Variants in ING5 observed in about 807,000 individuals in gnomAD.
The protein encoded by ING5 is inhibitor of growth family member 5, also known as inhibitor of growth protein 5.
ING5 carries 17 observed loss-of-function variants against 37.4 expected under a neutral mutation model. That is an observed-to-expected ratio of 0.45 (90% CI 0.31 to 0.68). The LOEUF (loss-of-function observed/expected upper bound fraction) is 0.68. Among genes scored for constraint, ING5 ranks in the 30% least tolerant of loss-of-function variants. The pLI, the probability that ING5 is intolerant of heterozygous loss-of-function variation, is 0.05. For synonymous variants in ING5, 123 were observed against 116.6 expected, an observed-to-expected ratio of 1.06 and a Z score of -0.36; for missense variants, 233 against 311.9, an observed-to-expected ratio of 0.75 and a Z score of 1.91.
chr2:241,727,169 T>G lies in ING5; in HGVS notation c.*2138T>G, dbSNP rs1691651640. The G allele has an allele frequency of 1.3e-5, 2 of 151,698 alleles. No homozygotes were observed. Among genetic ancestry groups the G allele is most frequent in the Admixed American group, 6.6e-5 (1 of 15,224 alleles). 9.4% of individuals were successfully genotyped at this position (151,698 alleles called of 1,614,324 possible). On this transcript the variant is annotated 3_prime_UTR_variant, in exon 8 of 8. Coordinates refer to ENST00000313552, the MANE Select transcript of ING5 (RefSeq NM_032329.6). ...CCAGACTGGTCTCAAACTCCTGGGG[T>G]CAAATGATCCGCCTGCGTCGGCTTC...
In ING5 at chr2:241,687,480, C is replaced by T. The variant is rs111432767; in HGVS notation, c.-1356C>T. The T allele has an allele frequency of 3.0e-3, 1,199 of 397,934 alleles. 5 individuals are homozygous for T. The highest frequency in any genetic ancestry group is 0.022 in the African/African-American group (1,074 of 48,692). The allele number at this position is 397,934 out of a possible 1,614,324, so 24.7% of individuals were successfully genotyped here. A position where few individuals can be genotyped will look rare whatever the true frequency, so the allele number is the denominator to read the frequency against. On this transcript the variant is annotated 5_prime_UTR_variant, in exon 1 of 8. Coordinates refer to the ING5 transcript ENST00000636051. ...GGATCGATAAATGTTCACTGTTGTC[C>T]CTGAAGCGCAAAACTGCAGGGCTCT...
At chr2:241,721,457 CG>C (rs1268586855) in intron 5 of ING5, 1 of 985,354 alleles carries the variant, frequency 1.0e-6, no homozygotes, top group Non-Finnish European at 1.2e-6. Context: ...CAGAGGGCAG[CG>C]GGGAGGCCGG....
In ING5 at chr2:241,725,168, TC is replaced by T; in HGVS notation, c.*139del. 1 of 923,338 alleles carries T rather than the reference TC, an allele frequency of 1.1e-6. No individual in the cohort carries two copies. The highest frequency in any genetic ancestry group is 2.5e-5 in the East Asian group (1 of 39,754). 57.2% of individuals were successfully genotyped at this position (923,338 alleles called of 1,614,324 possible). On this transcript the variant is annotated 3_prime_UTR_variant, in exon 8 of 8. Coordinates refer to ENST00000313552, the MANE Select transcript of ING5 (RefSeq NM_032329.6). Reference sequence around the variant, plus strand: ...GTGGCCAGTTGAAGCGCTGGATGTTTCCTAGAACAAGAACCACCAAAGCCTG... The same window carrying T: ...GTGGCCAGTTGAAGCGCTGGATGTTTCTAGAACAAGAACCACCAAAGCCTG...
At chr2:241,707,055 G>A (rs1229704761) in intron 2 of ING5, among the ~76,000 whole-genome samples, 2 of 151,450 alleles carry the variant, frequency 1.3e-5, no homozygotes, top group African/African-American at 4.9e-5. Flanking sequence ...TGCCTCCCAG[G>A]TTCAAGTGAT....
At position 241,723,096 on chromosome 2, in the gene ING5, C is replaced by T. The variant is rs538863741; in HGVS notation, c.618+22C>T. ...AGACGTGAGTGTCGCCTGCAGGATTCGCGCCATGGGGCGGGGTCTTGTGTG... is the reference window on the plus strand; with the variant it reads ...AGACGTGAGTGTCGCCTGCAGGATTTGCGCCATGGGGCGGGGTCTTGTGTG... On this transcript the variant is annotated intron_variant, in intron 6 of 7. Coordinates refer to ENST00000313552, the MANE Select transcript of ING5 (RefSeq NM_032329.6). 2.0e-4 allele frequency: 324 copies of T among 1,614,172 alleles called. 1 individual carries two copies. In the South Asian group the frequency reaches 3.3e-3, roughly 16 times the overall value.
chr2:241,704,854 T>C (rs1253828467), intron 2 of ING5, 130 bp downstream of exon 2: 4 of 732,592 alleles, frequency 5.5e-6, no homozygotes, highest in Non-Finnish European at 9.8e-6. Context: ...CCCTGGGCCG[T>C]GGGTATCACT....
chr2:241,702,195 T>G (rs2069753404), intron 1 of ING5, 93 bp downstream of exon 1: 5 of 607,858 alleles, frequency 8.2e-6, no homozygotes, highest in African/African-American at 2.1e-5. Flanking sequence ...GCAGACCCCG[T>G]GGGCTCGGGA....
rs1242247004 is a variant in ING5, at chr2:241,709,393, G to T, written c.276+11G>T. 1.9e-6 allele frequency: 3 copies of T among 1,608,292 alleles called. No individual in the cohort carries two copies. The highest frequency in any genetic ancestry group is 2.5e-6 in the Non-Finnish European group (3 of 1,176,706). Reference sequence around the variant, plus strand: ...CAGACCTACGAGATGGTGAGGGCGGGGCGGGGGCCATGGCTCTTCCTCTGA... The same window carrying T: ...CAGACCTACGAGATGGTGAGGGCGGTGCGGGGGCCATGGCTCTTCCTCTGA... On this transcript the variant is annotated intron_variant, in intron 3 of 7. Transcript: ENST00000313552.
intron 2 of ING5, among the ~76,000 whole-genome samples, chr2:241,705,162 C>G (rs2124885896): frequency 1.3e-5 from 2 of 152,186 alleles, no homozygotes; most frequent in South Asian, 4.1e-4. Context: ...GCAAGCTCTG[C>G]CTCCTGGGTT....
intron 5 of ING5, among the ~76,000 whole-genome samples, chr2:241,716,503 C>G (rs2070275184): frequency 6.9e-6 from 1 of 145,520 alleles, no homozygotes; most frequent in Non-Finnish European, 1.5e-5. Context: ...CCATTTTGGC[C>G]AGGCTGGTCT....
chr2:241,687,319 G>A (rs1408756578), exon 1 of ING5: 1 of 398,578 alleles, frequency 2.5e-6, no homozygotes, highest in Non-Finnish European at 4.4e-6. Context: ...CCCAGTGCAG[G>A]GGCTCAGCCG....
In ING5 at chr2:241,722,507, C is replaced by T. The variant is rs146260164; in HGVS notation, c.483-432C>T. 3.9e-3 allele frequency: 3,796 copies of T among 985,462 alleles called. 40 individuals are homozygous for T. Among genetic ancestry groups the T allele is most frequent in the African/African-American group, 0.031 (1,750 of 57,366 alleles). The allele number at this position is 985,462 out of a possible 1,614,324, so 61.0% of individuals were successfully genotyped here. On this transcript the variant is annotated intron_variant, in intron 5 of 7. Transcript: ENST00000313552. ...TGGGCGCGAGGTCTCCACCCCTCTG[C>T]TGCCAGCTGCTGCTGTTCCTGGATT...
At chr2:241,700,393 G>A (rs1413963684), upstream of ING5, among the ~76,000 whole-genome samples, 2 of 151,798 alleles carry the variant, frequency 1.3e-5, no homozygotes, top group South Asian at 2.1e-4. Context: ...TCCTGACCTC[G>A]TGATCCTCCC....
In ING5 at chr2:241,705,394, C is replaced by CTTTTTT. The variant is rs774566608; in HGVS notation, c.109+686_109+691dup. Among the ~76,000 whole-genome samples the CTTTTTT allele has an allele frequency of 2.0e-3, 238 of 117,212 alleles. 5 individuals are homozygous for CTTTTTT. The highest frequency in any genetic ancestry group is 8.5e-3 in the East Asian group (26 of 3,070). 76.9% of individuals were successfully genotyped at this position (117,212 alleles called of 152,430 possible). On this transcript the variant is annotated intron_variant, in intron 2 of 7. Transcript: ENST00000313552. ...CGCCTGGCCCTAACTCTGTTTTTTT[C>CTTTTTT]TTTTTTTTTTTTTTTTTTTTTGAGA...
chr2:241,723,919 AGGATGGCTTGAGCCT>A (rs752054007), intron 7 of ING5: 1 of 1,311,304 alleles, frequency 7.6e-7, no homozygotes, highest in Non-Finnish European at 1.1e-6. Context: ...CGGAGGCGGG[AGGATGGCTTGAGCCT>A]GGAAGTCCGA....
At chr2:241,707,884 C>G (rs1164783280) in intron 2 of ING5, among the ~76,000 whole-genome samples, 1 of 152,134 alleles carries the variant, frequency 6.6e-6, no homozygotes, top group Non-Finnish European at 1.5e-5. Context: ...CAGTCACCTT[C>G]CACCTTTAAC....
At position 241,728,089 on chromosome 2, in the gene ING5, C is replaced by T. The variant is rs1205182651; in HGVS notation, c.*3058C>T. On this transcript the variant is annotated 3_prime_UTR_variant, in exon 8 of 8. Coordinates refer to ENST00000313552, the MANE Select transcript of ING5 (RefSeq NM_032329.6). ...AAAACATGAGCAGAATGAGACAATT[C>T]CTTGGGCTGTAGTTTGGACCCAACT... 6.6e-6 allele frequency: 1 copy of T among 152,256 alleles called. No individual in the cohort carries two copies. 9.4% of individuals were successfully genotyped at this position (152,256 alleles called of 1,614,324 possible). A position where few individuals can be genotyped will look rare whatever the true frequency, so the allele number is the denominator to read the frequency against.
intron 5 of ING5, 126 bp downstream of exon 5, chr2:241,712,197 C>G: frequency 1.3e-6 from 1 of 778,004 alleles, no homozygotes; most frequent in Non-Finnish European, 2.0e-6. Context: ...TATTCTGATT[C>G]TTACGCTGCG....
intron 5 of ING5, chr2:241,719,893 G>T: frequency 1.5e-6 from 2 of 1,332,998 alleles, no homozygotes; most frequent in Non-Finnish European, 1.9e-6. Flanking sequence ...TGAGAAGGGT[G>T]ATCACCGATG....
Sources: allele counts gnomAD v4.1 joint callset (sites outside exome capture counted in the v4.1 genomes callset), GRCh38; gene constraint gnomAD v4.1.1; transcripts MANE v1.5; gene names NCBI Gene and HGNC (gene_info 2026-07-23, HGNC 2026-07-21).